Variants in WIPF3 observed in about 807,000 individuals in gnomAD.
WIPF3 encodes the protein WAS/WASL interacting protein family member 3.
Under a neutral mutation model 38.9 loss-of-function variants are expected in WIPF3, and 33 were observed. The observed-to-expected ratio is 0.85, with a 90% CI of 0.64 to 1.14. The LOEUF is 1.14. Among genes scored for constraint, WIPF3 ranks in the 50% most tolerant of loss-of-function variants. The pLI, the probability that WIPF3 is intolerant of heterozygous loss-of-function variation, is 0.00. For missense variants in WIPF3, 711 were observed against 652.5 expected, an observed-to-expected ratio of 1.09 and a Z score of -0.98; for synonymous variants, 324 against 269.3, an observed-to-expected ratio of 1.20 and a Z score of -1.99.
chr7:29,899,612 A>G (rs1031507630), intron 7 of WIPF3, among the ~76,000 whole-genome samples: 2 of 152,252 alleles, frequency 1.3e-5, no homozygotes, highest in African/African-American at 4.8e-5. Context: ...TAATAAAACA[A>G]TTTGGAAATA....
intron 2 of WIPF3, among the ~76,000 whole-genome samples, chr7:29,838,121 T>G (rs1195922282): frequency 6.6e-6 from 1 of 152,196 alleles, no homozygotes; most frequent in East Asian, 1.9e-4. Flanking sequence ...GGTTTCACTG[T>G]GTTAGCCAGG....
intron 2 of WIPF3, among the ~76,000 whole-genome samples, chr7:29,874,184 G>T (rs1785546102): frequency 6.6e-6 from 1 of 151,812 alleles, no homozygotes; most frequent in Admixed American, 6.6e-5. Context: ...GCCCTTAAGA[G>T]CAAAGACAGC....
intron 2 of WIPF3, among the ~76,000 whole-genome samples, chr7:29,873,890 T>C (rs569700920): frequency 1.3e-5 from 2 of 152,352 alleles, no homozygotes; most frequent in South Asian, 4.1e-4. Context: ...TTCTAGTCTG[T>C]GACACCAGAG....
chr7:29,884,468 C>A lies in WIPF3; in HGVS notation c.974C>A (p.Pro325Gln). Residue 325 changes from proline to glutamine, a missense_variant, in exon 5 of 9, where the codon CCG becomes CAG. Physicochemically the swap from Pro to Gln is moderately conservative, Grantham distance 76. Transcript: ENST00000242140. Reference sequence around the variant, plus strand: ...AATAGCAGCAGTGAAACTCCACCCCCGCTACCCCCTAAATCCCCCAGCTTC... The same window carrying A: ...AATAGCAGCAGTGAAACTCCACCCCAGCTACCCCCTAAATCCCCCAGCTTC... ...GVNSSSETPP[P>Q]LPPKSPSFQA... The A allele has an allele frequency of 6.4e-7, 1 of 1,561,448 alleles. No homozygotes were observed. The highest frequency in any genetic ancestry group is 2.4e-5 in the East Asian group (1 of 40,926).
At chr7:29,860,440 C>T (rs1443440011) in intron 2 of WIPF3, among the ~76,000 whole-genome samples, 1 of 152,154 alleles carries the variant, frequency 6.6e-6, no homozygotes, top group Non-Finnish European at 1.5e-5. Flanking sequence ...TCTCTTCCTT[C>T]CTCTCTTACC....
In WIPF3 at chr7:29,884,361, T is replaced by TCCCCCC; in HGVS notation, c.870_871insCCCCCC (p.Pro289_Pro290dup). ...GCCCTGCGCAAGATGCGCAGGAGCC[T>TCCCCCC]CCCGCCCCGCCGCCCCCGCTCCCCC... On this transcript the variant is annotated inframe_insertion, in exon 5 of 9. Coordinates refer to ENST00000242140, the MANE Select transcript of WIPF3 (RefSeq NM_001080529.3). 3 of 1,317,922 alleles carry TCCCCCC rather than the reference T, an allele frequency of 2.3e-6. No individual in the cohort carries two copies. The highest frequency in any genetic ancestry group is 2.0e-6 in the Non-Finnish European group (2 of 1,017,958). The allele number at this position is 1,317,922 out of a possible 1,614,324, so 81.6% of individuals were successfully genotyped here. A position where few individuals can be genotyped will look rare whatever the true frequency, so the allele number is the denominator to read the frequency against.
At chr7:29,875,315 T>C (rs1785566866) in intron 2 of WIPF3, among the ~76,000 whole-genome samples, 2 of 151,918 alleles carry the variant, frequency 1.3e-5, no homozygotes, top group Non-Finnish European at 2.9e-5. Context: ...CAGGACCCAA[T>C]AGCAAGGAGG....
intron 7 of WIPF3, among the ~76,000 whole-genome samples, chr7:29,903,640 G>A (rs534592771): frequency 6.6e-6 from 1 of 152,180 alleles, no homozygotes; most frequent in South Asian, 2.1e-4. Context: ...TTAAGCTTGG[G>A]TAGACCAACC....
At chr7:29,825,766 A>T (rs954180280) in intron 1 of WIPF3, among the ~76,000 whole-genome samples, 2 of 152,238 alleles carry the variant, frequency 1.3e-5, no homozygotes, top group Admixed American at 6.5e-5. Context: ...GTATGAGCTC[A>T]TCTTAGTATG....
At chr7:29,872,073 CTG>C (rs1785505783) in intron 2 of WIPF3, among the ~76,000 whole-genome samples, 1 of 152,126 alleles carries the variant, frequency 6.6e-6, no homozygotes, top group African/African-American at 2.4e-5. Flanking sequence ...TTTGTTTTGT[CTG>C]TGTGTTTTTA....
rs773442204 is a variant in WIPF3 at position 29,884,191 on chromosome 7, A to G, written c.697A>G (p.Thr233Ala). The G allele has an allele frequency of 1.8e-5, 25 of 1,376,542 alleles. 1 individual carries two copies. In the Admixed American group the frequency reaches 5.3e-4, roughly 29 times the overall value. 85.3% of individuals were successfully genotyped at this position (1,376,542 alleles called of 1,614,324 possible). A position where few individuals can be genotyped will look rare whatever the true frequency, so the allele number is the denominator to read the frequency against. The part of the protein sequence containing the change: ...PPPPPPPPPP[T>A]PPPLPPASVL... ...ACCTCCACCTCCGCCACCTCCCCCA[A>G]CGCCACCCCCGCTGCCCCCGGCCTC... The change falls in exon 5 of 9, where the codon ACG becomes GCG. Residue 233 changes from threonine (T) to alanine (A), a missense_variant. Thr to Ala is a moderately conservative substitution (Grantham distance 58). Coordinates refer to ENST00000242140, the MANE Select transcript of WIPF3 (RefSeq NM_001080529.3).
intron 1 of WIPF3, among the ~76,000 whole-genome samples, chr7:29,810,646 C>G (rs1784358434): frequency 6.6e-6 from 1 of 152,200 alleles, no homozygotes; most frequent in Non-Finnish European, 1.5e-5. Flanking sequence ...CAATAGTTAT[C>G]TCCTTTAGGG....
intron 1 of WIPF3, among the ~76,000 whole-genome samples, chr7:29,809,312 A>G (rs968717334): frequency 7.9e-5 from 12 of 152,154 alleles, no homozygotes; most frequent in South Asian, 2.1e-4. Context: ...GGTTAAGGGG[A>G]GCAATTTAGA....
chr7:29,838,143 C>G (rs1293752740), intron 2 of WIPF3, among the ~76,000 whole-genome samples: 1 of 152,324 alleles, frequency 6.6e-6, no homozygotes, highest in South Asian at 2.1e-4. Flanking sequence ...TGGTCTTGAT[C>G]TCCTGACTTT....
At chr7:29,863,682 T>A (rs149734196) in intron 2 of WIPF3, among the ~76,000 whole-genome samples, 39 of 152,366 alleles carry the variant, frequency 2.6e-4, no homozygotes, top group African/African-American at 9.4e-4. Flanking sequence ...CTTTCCTATG[T>A]TGAGTTATCC....
chr7:29,898,918 G>A (rs1479806712), intron 7 of WIPF3, among the ~76,000 whole-genome samples: 1 of 152,058 alleles, frequency 6.6e-6, no homozygotes, highest in Non-Finnish European at 1.5e-5. Flanking sequence ...TGATCAAATG[G>A]TACCTGTCTT....
chr7:29,847,739 A>G (rs914301941), intron 2 of WIPF3, among the ~76,000 whole-genome samples: 2 of 152,210 alleles, frequency 1.3e-5, no homozygotes, highest in Admixed American at 1.3e-4. Context: ...AACAGGTCAG[A>G]TAATTTCTTT....
At chr7:29,833,897 A>G (rs530248690) in intron 1 of WIPF3, among the ~76,000 whole-genome samples, 3 of 152,324 alleles carry the variant, frequency 2.0e-5, no homozygotes, top group African/African-American at 7.2e-5. Flanking sequence ...GGGTTCTAAG[A>G]CACATGCCCA....
At chr7:29,879,532 A>G (rs1195558296) in intron 4 of WIPF3, among the ~76,000 whole-genome samples, 1 of 152,228 alleles carries the variant, frequency 6.6e-6, no homozygotes, top group Non-Finnish European at 1.5e-5. Flanking sequence ...CGGTCATCAT[A>G]TCAGTTAGGT....
Sources: allele counts gnomAD v4.1 joint callset (sites outside exome capture counted in the v4.1 genomes callset), GRCh38; gene constraint gnomAD v4.1.1; transcripts MANE v1.5; gene names NCBI Gene and HGNC (gene_info 2026-07-23, HGNC 2026-07-21).